The following SLC44A5 variants were observed in gnomAD, a reference collection of about 807,000 sequenced individuals.
SLC44A5 encodes the protein choline transporter-like protein 5.
In SLC44A5, 57 loss-of-function variants were observed where a neutral mutation model predicts 101.8. That is an observed-to-expected ratio of 0.56 (90% CI 0.45 to 0.70). The LOEUF (loss-of-function observed/expected upper bound fraction) is 0.70, where lower values mean the gene tolerates loss of function less well. SLC44A5 is among the 30% of genes least tolerant of loss of function. SLC44A5 has a pLI of 0.00. For missense variants in SLC44A5, 737 were observed against 853.1 expected, an observed-to-expected ratio of 0.86 and a Z score of 1.70; for synonymous variants, 281 against 290.9, an observed-to-expected ratio of 0.97 and a Z score of 0.35.
intron 4 of SLC44A5, among the ~76,000 whole-genome samples, chr1:75,326,207 G>C (rs1656585442): frequency 6.7e-6 from 1 of 149,358 alleles, no homozygotes; most frequent in Admixed American, 6.7e-5. Flanking sequence ...ATGAAACACT[G>C]CTCAGGAAAG....
the SLC44A5 span, among the ~76,000 whole-genome samples, chr1:75,616,276 C>T: frequency 6.6e-6 from 1 of 151,972 alleles, no homozygotes; most frequent in East Asian, 1.9e-4. Context: ...CCCGTCTGAG[C>T]CGCCAGCCCC....
At chr1:75,669,956 T>A in the SLC44A5 span, among the ~76,000 whole-genome samples, 3 of 152,114 alleles carry the variant, frequency 2.0e-5, no homozygotes, top group African/African-American at 7.2e-5. Context: ...GAAAAACAAA[T>A]ATGGAACCTA....
At chr1:75,659,313 A>C in the SLC44A5 span, among the ~76,000 whole-genome samples, 1 of 150,198 alleles carries the variant, frequency 6.7e-6, no homozygotes, top group African/African-American at 2.5e-5. Context: ...AAAAAGAGAG[A>C]GAAAGAGAGA....
At chr1:75,600,915 C>A (rs1158014972) in intron 1 of SLC44A5, among the ~76,000 whole-genome samples, 7 of 152,058 alleles carry the variant, frequency 4.6e-5, no homozygotes, top group Non-Finnish European at 8.8e-5. Context: ...TAGAATGTAG[C>A]CCCATACTTA....
intron 2 of SLC44A5, among the ~76,000 whole-genome samples, chr1:75,512,869 T>C (rs918787802): frequency 1.3e-5 from 2 of 152,216 alleles, no homozygotes; most frequent in Non-Finnish European, 2.9e-5. Context: ...GCCATGAGTT[T>C]CACTTTGTTG....
chr1:75,306,735 T>TTTTTTTC (rs1243179972), intron 4 of SLC44A5, among the ~76,000 whole-genome samples: 3 of 117,348 alleles, frequency 2.6e-5, no homozygotes, highest in African/African-American at 9.4e-5. Flanking sequence ...TTTCCTTTCT[T>TTTTTTTC]TTTTTTTTTT....
upstream of SLC44A5, chr1:75,615,829 AG>A: frequency 1.0e-6 from 1 of 982,590 alleles, no homozygotes; most frequent in African/African-American, 1.7e-5. Flanking sequence ...GGAGGCGGCG[AG>A]GGGAGGAGGG....
chr1:75,207,105 A>G (rs1646762767), intron 23 of SLC44A5, among the ~76,000 whole-genome samples: 2 of 152,176 alleles, frequency 1.3e-5, no homozygotes, highest in South Asian at 2.1e-4. Context: ...ATAAATGTAG[A>G]ATAATAATGG....
chr1:75,256,264 G>A (rs1490090399), intron 6 of SLC44A5, among the ~76,000 whole-genome samples: 2 of 152,074 alleles, frequency 1.3e-5, no homozygotes, highest in Non-Finnish European at 2.9e-5. Context: ...TAAAGCAAAA[G>A]GACAGCAGCT....
chr1:75,274,402 G>C (rs1257442361), intron 6 of SLC44A5, among the ~76,000 whole-genome samples: 1 of 152,088 alleles, frequency 6.6e-6, no homozygotes, highest in Non-Finnish European at 1.5e-5. Context: ...GAAAACTTCT[G>C]TTATGATTAC....
the SLC44A5 span, chr1:75,641,458 T>A: frequency 2.2e-6 from 3 of 1,377,634 alleles, no homozygotes; most frequent in East Asian, 6.9e-5. Context: ...TTCTAAAGAG[T>A]CTTTGACTTC....
At chr1:75,713,749 A>C in the SLC44A5 span, among the ~76,000 whole-genome samples, 1 of 152,200 alleles carries the variant, frequency 6.6e-6, no homozygotes, top group Non-Finnish European at 1.5e-5. Context: ...TATTATATTT[A>C]AATTGTGCTA....
chr1:75,364,849 T>C (rs1659746779), intron 3 of SLC44A5, among the ~76,000 whole-genome samples: 1 of 152,200 alleles, frequency 6.6e-6, no homozygotes, highest in South Asian at 2.1e-4. Context: ...TTCTTTATTA[T>C]GATTTAGGAA....
intron 4 of SLC44A5, among the ~76,000 whole-genome samples, chr1:75,306,974 G>C (rs1209351824): frequency 6.6e-6 from 1 of 151,522 alleles, no homozygotes; most frequent in East Asian, 1.9e-4. Context: ...TCCTGACCTC[G>C]TGATCCACCC....
At chr1:75,605,018 C>T (rs772068370) in intron 1 of SLC44A5, among the ~76,000 whole-genome samples, 9 of 152,000 alleles carry the variant, frequency 5.9e-5, no homozygotes, top group Admixed American at 2.0e-4. Flanking sequence ...CTTGCACTTC[C>T]GGTACTGTGT....
In SLC44A5 at chr1:75,218,510, A is replaced by C; in HGVS notation, c.1509T>G (p.Thr503=). ...CTTACCGTATGGCTCGTCCAAATGC[A>C]GTAAAAAGTGGATATCGTGGGATGT... ...PDDIPRYPLF[T]AFGRAIRYHT... is the part of the protein sequence containing the mutation. The change falls in exon 17 of 24, where the codon ACT becomes ACG. Residue 503 remains threonine, a synonymous_variant. Transcript: ENST00000370859. 3 of 1,613,772 alleles carry C rather than the reference A, an allele frequency of 1.9e-6. No individual in the cohort carries two copies. Among genetic ancestry groups the C allele is most frequent in the African/African-American group, 1.3e-5 (1 of 75,030 alleles).
chr1:75,583,936 GGGCTGGGTC>G (rs1673849823), intron 1 of SLC44A5, among the ~76,000 whole-genome samples: 1 of 152,140 alleles, frequency 6.6e-6, no homozygotes, highest in Admixed American at 6.5e-5. Context: ...AATTCCTATG[GGGCTGGGTC>G]AGCACCAATC....
At chr1:75,212,991 T>C (rs1043026570) in intron 22 of SLC44A5, among the ~76,000 whole-genome samples, 15 of 152,188 alleles carry the variant, frequency 9.9e-5, no homozygotes, top group Non-Finnish European at 2.9e-5. Context: ...AGTTATACCC[T>C]CGTGCAGGGG....
rs1035807767 is a variant in SLC44A5, at chr1:75,605,467, T to C, written c.-70+5573A>G. On this transcript the variant is annotated intron_variant, in intron 1 of 23. Transcript: ENST00000370859. The stretch of plus-strand genomic sequence containing the variant: ...AAGATGCCTGAGAGGCCACCCCTCC[T>C]TTCATATTAAAAAGCTATAGTGATT... Among the ~76,000 whole-genome samples, 18 of 152,206 alleles carry C rather than the reference T, an allele frequency of 1.2e-4. No individual in the cohort carries two copies. In the South Asian group the frequency reaches 3.7e-3, roughly 31 times the overall value.
Sources: gnomAD v4.1 joint callset for allele counts (sites outside exome capture counted in the v4.1 genomes callset) on GRCh38, gnomAD v4.1.1 for gene constraint, MANE v1.5 for transcripts, NCBI Gene and HGNC (gene_info 2026-07-23, HGNC 2026-07-21) for gene names.